FAM185A: variants seen among roughly 807,000 people sequenced by gnomAD.
The protein encoded by FAM185A is family with sequence similarity 185 member A, also known as protein FAM185A.
A neutral mutation model predicts 45.7 loss-of-function variants in FAM185A; 21 were observed. The observed-to-expected ratio is 0.46, with a 90% CI of 0.33 to 0.66. FAM185A has a LOEUF of 0.66. FAM185A is among the 30% of genes least tolerant of loss of function. FAM185A has a pLI of 0.03. For synonymous variants in FAM185A, 117 were observed against 194.0 expected, an observed-to-expected ratio of 0.60 and a Z score of 3.30; for missense variants, 305 against 485.4, an observed-to-expected ratio of 0.63 and a Z score of 3.49.
chr7:102,779,011 C>T (rs1795245395), intron 6 of FAM185A, among the ~76,000 whole-genome samples: 1 of 152,268 alleles, frequency 6.6e-6, no homozygotes, highest in African/African-American at 2.4e-5. Flanking sequence ...ATATGGTGAC[C>T]TTCTTAATTC....
At chr7:102,813,458 C>T (rs1797578109), downstream of FAM185A, 1 of 1,614,092 alleles carries the variant, frequency 6.2e-7, no homozygotes, top group Non-Finnish European at 8.5e-7. Flanking sequence ...CTATCATAGC[C>T]AAACCAACGT....
the FAM185A span, among the ~76,000 whole-genome samples, chr7:102,846,390 G>A: frequency 5.3e-5 from 8 of 152,182 alleles, no homozygotes; most frequent in African/African-American, 1.9e-4. Flanking sequence ...GGCTGAGGCA[G>A]GCAGATCACC....
chr7:102,782,463 T>G lies in FAM185A; in HGVS notation c.932-4872T>G, dbSNP rs1795472499. On this transcript the variant is annotated intron_variant, in intron 6 of 7. Coordinates refer to ENST00000413034, the MANE Select transcript of FAM185A (RefSeq NM_001145268.2). The stretch of plus-strand genomic sequence containing the variant: ...TAACAGCTGATCTCTCAGCAGAAAC[T>G]CTACAAGCCAGAAGTGAGTGGGGGC... Among the ~76,000 whole-genome samples, 5 of 152,248 alleles carry G rather than the reference T, an allele frequency of 3.3e-5. No homozygotes were observed. In the South Asian group the frequency reaches 1.0e-3, roughly 32 times the overall value.
intron 6 of FAM185A, among the ~76,000 whole-genome samples, chr7:102,778,747 GA>G (rs1371033349): frequency 2.0e-5 from 3 of 152,146 alleles, no homozygotes; most frequent in African/African-American, 7.2e-5. Context: ...AAAGACAACT[GA>G]AAACAAAGAT....
chr7:102,823,514 T>C, the FAM185A span, among the ~76,000 whole-genome samples: 252 of 152,296 alleles, frequency 1.7e-3, 2 homozygotes, highest in African/African-American at 5.9e-3. Context: ...TGCCAAGGGT[T>C]CCAACATATC....
the FAM185A span, among the ~76,000 whole-genome samples, chr7:102,846,430 C>A: frequency 6.6e-6 from 1 of 152,084 alleles, no homozygotes; most frequent in Non-Finnish European, 1.5e-5. Context: ...CCAGCCTCAG[C>A]CAACATGGTG....
At chr7:102,801,427 A>C (rs1351313983) in intron 7 of FAM185A, among the ~76,000 whole-genome samples, 1 of 152,222 alleles carries the variant, frequency 6.6e-6, no homozygotes, top group Non-Finnish European at 1.5e-5. Context: ...TAAATGCTCC[A>C]CTTAAAAGAT....
At position 102,793,207 on chromosome 7, in the gene FAM185A, TTTTG is replaced by T. The variant is rs796241758; in HGVS notation, c.1066+5741_1066+5744del. ...TCATAGTGCTTTTATGGTGTTTTTT[TTTTG>T]TTGTTGTTGTTGTTTTTTGAGACGG... On this transcript the variant is annotated intron_variant, in intron 7 of 7. Coordinates refer to ENST00000413034, the MANE Select transcript of FAM185A (RefSeq NM_001145268.2). Among the ~76,000 whole-genome samples the T allele has an allele frequency of 1.7e-3, 252 of 151,562 alleles. 1 individual carries two copies. The highest frequency in any genetic ancestry group is 5.6e-3 in the African/African-American group (230 of 41,396).
chr7:102,761,168 T>C, intron 3 of FAM185A, 105 bp from the exon 4 acceptor site: 2 of 1,041,530 alleles, frequency 1.9e-6, no homozygotes, highest in South Asian at 1.7e-5. Flanking sequence ...GATTGTGTAC[T>C]AGGTAGTAAC....
intron 2 of FAM185A, among the ~76,000 whole-genome samples, chr7:102,754,373 G>T (rs1164777314): frequency 7.9e-5 from 12 of 152,158 alleles, no homozygotes; most frequent in African/African-American, 2.7e-4. Flanking sequence ...GCTAATTTTG[G>T]CCAGGCATGT....
chr7:102,777,906 TG>T (rs1795165225), intron 6 of FAM185A, among the ~76,000 whole-genome samples: 1 of 152,226 alleles, frequency 6.6e-6, no homozygotes, highest in Non-Finnish European at 1.5e-5. Context: ...TCATTTAAAA[TG>T]GTATACTTTT....
the FAM185A span, among the ~76,000 whole-genome samples, chr7:102,831,430 CA>C: frequency 7.3e-5 from 11 of 151,372 alleles, no homozygotes; most frequent in East Asian, 9.7e-4. Flanking sequence ...CACACACACA[CA>C]CCCCACTACA....
At chr7:102,798,697 G>C (rs1796589451) in intron 7 of FAM185A, among the ~76,000 whole-genome samples, 1 of 151,930 alleles carries the variant, frequency 6.6e-6, no homozygotes, top group African/African-American at 2.4e-5. Flanking sequence ...AAAAATTTCA[G>C]GATTTCCTGT....
chr7:102,826,346 T>A, the FAM185A span, among the ~76,000 whole-genome samples: 4 of 152,304 alleles, frequency 2.6e-5, no homozygotes, highest in South Asian at 8.3e-4. Context: ...AGAAATAATG[T>A]GCTTTAAAGG....
the FAM185A span, among the ~76,000 whole-genome samples, chr7:102,825,938 A>G: frequency 6.6e-6 from 1 of 152,230 alleles, no homozygotes; most frequent in Admixed American, 6.5e-5. Context: ...CGAGATTGCC[A>G]CAGAACTAAA....
chr7:102,825,692 G>A, the FAM185A span, among the ~76,000 whole-genome samples: 2 of 152,048 alleles, frequency 1.3e-5, no homozygotes. Context: ...CTGACCCCCT[G>A]CCAACCACTG....
At chr7:102,763,991 T>C (rs1163710589) in intron 4 of FAM185A, among the ~76,000 whole-genome samples, 1 of 152,196 alleles carries the variant, frequency 6.6e-6, no homozygotes, top group Non-Finnish European at 1.5e-5. Context: ...CCCACCTCAT[T>C]TCCAGTGGTC....
chr7:102,772,472 C>G, intron 5 of FAM185A, 22 bp downstream of exon 5: 1 of 1,523,264 alleles, frequency 6.6e-7, no homozygotes. Context: ...GCTACTAGTT[C>G]GTGTATTTTG....
chr7:102,814,665 C>T, the FAM185A span, among the ~76,000 whole-genome samples: 1 of 152,156 alleles, frequency 6.6e-6, no homozygotes. Flanking sequence ...TGAGTAAAAG[C>T]AATTATCATA....
Sources: gnomAD v4.1 joint callset for allele counts (sites outside exome capture counted in the v4.1 genomes callset) on GRCh38, gnomAD v4.1.1 for gene constraint, MANE v1.5 for transcripts, NCBI Gene and HGNC (gene_info 2026-07-23, HGNC 2026-07-21) for gene names.